PSMD14: variants seen among roughly 807,000 people sequenced by gnomAD.
PSMD14 encodes ubiquitin C-terminal hydrolase PSMD14.
PSMD14 carries 7 observed loss-of-function variants against 41.2 expected under a neutral mutation model. The observed-to-expected ratio is 0.17, with a 90% confidence interval of 0.10 to 0.32. The LOEUF (loss-of-function observed/expected upper bound fraction) is 0.32, where lower values mean the gene tolerates loss of function less well. PSMD14 is among the 10% of genes least tolerant of loss of function. PSMD14 has a pLI of 1.00. For synonymous variants in PSMD14, 114 were observed against 122.3 expected (o/e 0.93, Z 0.45); for missense variants, 139 against 375.6 (o/e 0.37, Z 5.21).
chr2:161,374,872 G>C (rs754076035), intron 7 of PSMD14, among the ~76,000 whole-genome samples: 3 of 151,970 alleles, frequency 2.0e-5, no homozygotes, highest in Non-Finnish European at 2.9e-5. Context: ...TTATTAAAAA[G>C]CATTACTGCT....
At chr2:161,363,446 T>G (rs1374166082) in intron 3 of PSMD14, among the ~76,000 whole-genome samples, 1 of 152,258 alleles carries the variant, frequency 6.6e-6, no homozygotes, top group African/African-American at 2.4e-5. Context: ...ATTTTAATTC[T>G]AAATTATTTT....
At chr2:161,364,816 A>G (rs971550914) in intron 3 of PSMD14, among the ~76,000 whole-genome samples, 4 of 152,116 alleles carry the variant, frequency 2.6e-5, no homozygotes, top group Admixed American at 2.6e-4. Flanking sequence ...TAAAAACAGC[A>G]CTCATGGCTG....
intron 3 of PSMD14, among the ~76,000 whole-genome samples, chr2:161,354,166 T>C (rs1683159513): frequency 6.6e-6 from 1 of 152,142 alleles, no homozygotes; most frequent in Admixed American, 6.6e-5. Flanking sequence ...AGTTATGTTT[T>C]TGCCAATCTT....
At chr2:161,325,658 A>G (rs560460438) in intron 3 of PSMD14, among the ~76,000 whole-genome samples, 1 of 152,342 alleles carries the variant, frequency 6.6e-6, no homozygotes, top group African/African-American at 2.4e-5. Flanking sequence ...GAAATAGGCA[A>G]ACTGACTCTA....
intron 1 of PSMD14, among the ~76,000 whole-genome samples, chr2:161,309,070 A>G (rs1183810015): frequency 6.6e-6 from 1 of 152,158 alleles, no homozygotes; most frequent in Non-Finnish European, 1.5e-5. Context: ...CTCCCTCCAA[A>G]AAGTAAACAA....
In PSMD14 at chr2:161,395,122, A is replaced by C; in HGVS notation, c.690A>C (p.Thr230=). 1.3e-6 allele frequency: 2 copies of C among 1,597,324 alleles called. No homozygotes were observed. Among genetic ancestry groups the C allele is most frequent in the Non-Finnish European group, 1.7e-6 (2 of 1,172,066 alleles). The change falls in exon 10 of 12, where the codon ACA becomes ACC. Residue 230 remains threonine, a synonymous_variant. Transcript: ENST00000409682. ...AGAAGAGTTGGATGGAAGGTTTGAC[A>C]CTTCAGGACTACAGTGAACATTGTA... ...LHKKSWMEGL[T]LQDYSEHCKH... is the part of the protein sequence containing the mutation.
intron 7 of PSMD14, among the ~76,000 whole-genome samples, chr2:161,377,233 T>C (rs1052875521): frequency 6.6e-6 from 1 of 151,972 alleles, no homozygotes; most frequent in African/African-American, 2.4e-5. Context: ...ACACACCTCT[T>C]TTCTTTGTCT....
chr2:161,336,847 T>G (rs1479756636), intron 3 of PSMD14, among the ~76,000 whole-genome samples: 1 of 152,248 alleles, frequency 6.6e-6, no homozygotes, highest in Non-Finnish European at 1.5e-5. Flanking sequence ...AGTGCTGGGA[T>G]TATAGGCGTG....
intron 3 of PSMD14, among the ~76,000 whole-genome samples, chr2:161,366,155 A>G (rs931539567): frequency 6.6e-6 from 1 of 152,192 alleles, no homozygotes; most frequent in African/African-American, 2.4e-5. Flanking sequence ...AAAATAAGCA[A>G]TAAAACTGCA....
At chr2:161,391,516 A>T (rs922983694) in intron 9 of PSMD14, among the ~76,000 whole-genome samples, 1 of 152,178 alleles carries the variant, frequency 6.6e-6, no homozygotes, top group South Asian at 2.1e-4. Context: ...TTTTGTAATT[A>T]AATTAGTAAT....
At chr2:161,357,788 A>T (rs933191282) in intron 3 of PSMD14, among the ~76,000 whole-genome samples, 4 of 152,130 alleles carry the variant, frequency 2.6e-5, no homozygotes, top group Non-Finnish European at 5.9e-5. Context: ...TATTTTATGT[A>T]GCTTAAGTAC....
rs1684026387 is a variant in PSMD14 at position 161,411,575 on chromosome 2, C to G, written c.*175C>G. The G allele has an allele frequency of 5.0e-6, 2 of 397,280 alleles. No individual in the cohort carries two copies. The allele number at this position is 397,280 out of a possible 1,614,324, so 24.6% of individuals were successfully genotyped here. ...GTGCAATTACTTCTGTTTCTTTAGTCAGGGTCTTTGCAGATTCTAAAGTTA... is the reference window on the plus strand; with the variant it reads ...GTGCAATTACTTCTGTTTCTTTAGTGAGGGTCTTTGCAGATTCTAAAGTTA... On this transcript the variant is annotated 3_prime_UTR_variant, in exon 12 of 12. Coordinates refer to ENST00000409682, the MANE Select transcript of PSMD14 (RefSeq NM_005805.6).
chr2:161,399,282 A>C (rs921355982), intron 10 of PSMD14, among the ~76,000 whole-genome samples: 8 of 152,134 alleles, frequency 5.3e-5, no homozygotes, highest in Non-Finnish European at 1.2e-4. Context: ...GCTTTGAAAA[A>C]TTTGATAACA....
chr2:161,371,453 CAAAA>C (rs919924926), intron 7 of PSMD14, 131 bp downstream of exon 7: 14 of 854,594 alleles, frequency 1.6e-5, no homozygotes, highest in African/African-American at 6.8e-5. Flanking sequence ...ACTTAAAAAA[CAAAA>C]AAACTGTACA....
At chr2:161,380,964 G>A (rs1031974072) in intron 7 of PSMD14, among the ~76,000 whole-genome samples, 5 of 151,904 alleles carry the variant, frequency 3.3e-5, no homozygotes, top group African/African-American at 1.2e-4. Flanking sequence ...GTCATTTCTA[G>A]GTGATAAAGA....
intron 3 of PSMD14, among the ~76,000 whole-genome samples, chr2:161,327,516 C>G (rs1682716662): frequency 6.6e-6 from 1 of 151,892 alleles, no homozygotes; most frequent in South Asian, 2.1e-4. Flanking sequence ...TAGCAGATAC[C>G]CTTCCCCAAT....
chr2:161,325,304 G>C (rs1216668018), intron 3 of PSMD14, among the ~76,000 whole-genome samples: 1 of 151,994 alleles, frequency 6.6e-6, no homozygotes, highest in African/African-American at 2.4e-5. Flanking sequence ...ATTATTTCCG[G>C]TGGCTAGATA....
intron 9 of PSMD14, among the ~76,000 whole-genome samples, chr2:161,394,601 A>AC (rs1333122206): frequency 6.6e-6 from 1 of 152,176 alleles, no homozygotes; most frequent in Non-Finnish European, 1.5e-5. Context: ...TAGAATTTAG[A>AC]CCCTAGTGAT....
intron 3 of PSMD14, among the ~76,000 whole-genome samples, chr2:161,366,192 G>A (rs1200723427): frequency 6.6e-6 from 1 of 152,092 alleles, no homozygotes; most frequent in Non-Finnish European, 1.5e-5. Flanking sequence ...GAAGAATTTG[G>A]TCAGTTTCCA....
Sources: allele counts gnomAD v4.1 joint callset (sites outside exome capture counted in the v4.1 genomes callset), GRCh38; gene constraint gnomAD v4.1.1; transcripts MANE v1.5; gene names NCBI Gene and HGNC (gene_info 2026-07-23, HGNC 2026-07-21).